The following GSDME variants were observed in gnomAD, a reference collection of about 807,000 sequenced individuals.
The protein encoded by GSDME is gasdermin-E.
Under a neutral mutation model 47.5 loss-of-function variants are expected in GSDME, and 44 were observed. That is an observed-to-expected ratio of 0.93 (90% CI 0.73 to 1.19). The LOEUF is 1.19. Among genes scored for constraint, GSDME ranks in the 50% most tolerant of loss-of-function variants. GSDME has a pLI of 0.00. For synonymous variants in GSDME, 258 were observed against 252.8 expected, an observed-to-expected ratio of 1.02 and a Z score of -0.20; for missense variants, 663 against 604.2, an observed-to-expected ratio of 1.10 and a Z score of -1.02.
At chr7:24,711,848 T>G (rs901702548) in intron 5 of GSDME, among the ~76,000 whole-genome samples, 1 of 151,680 alleles carries the variant, frequency 6.6e-6, no homozygotes, top group Non-Finnish European at 1.5e-5. Flanking sequence ...AAGAAATGTT[T>G]TCTCAAACAC....
At chr7:24,770,558 G>C in the GSDME span, among the ~76,000 whole-genome samples, 1 of 152,144 alleles carries the variant, frequency 6.6e-6, no homozygotes, top group African/African-American at 2.4e-5. This position sits in a 1 kb window ranked among gnomAD's most constrained non-coding sequence, Gnocchi z 4.6. Context: ...TGGGGTCTAT[G>C]CTAACTCTGG....
the GSDME span, among the ~76,000 whole-genome samples, chr7:24,784,622 CT>C: frequency 2.2e-4 from 30 of 138,520 alleles, no homozygotes; most frequent in African/African-American, 8.1e-4. Flanking sequence ...TTTTTTTCTT[CT>C]TCCTTTTTTT....
At chr7:24,704,913 C>G (rs1562686262) in intron 8 of GSDME, 1 of 152,316 alleles carries the variant, frequency 6.6e-6, no homozygotes. Flanking sequence ...GTCTTGAACT[C>G]CTGGGCTCAA....
chr7:24,751,005 T>C (rs1022206983), intron 1 of GSDME, among the ~76,000 whole-genome samples: 15 of 151,960 alleles, frequency 9.9e-5, no homozygotes, highest in Non-Finnish European at 1.9e-4. Flanking sequence ...TGAGGAAAAA[T>C]GAAACTGTGA....
At chr7:24,720,057 A>G (rs562247691) in intron 3 of GSDME, among the ~76,000 whole-genome samples, 2 of 152,334 alleles carry the variant, frequency 1.3e-5, no homozygotes, top group South Asian at 4.1e-4. Flanking sequence ...TCTAGGAAAG[A>G]TGTTTCATCT....
chr7:24,775,728 A>C, the GSDME span, among the ~76,000 whole-genome samples: 2 of 152,102 alleles, frequency 1.3e-5, no homozygotes, highest in East Asian at 3.9e-4. Context: ...TACAAAAATT[A>C]GCTGGGCGTG....
chr7:24,702,247 C>T (rs1788898829), intron 9 of GSDME, among the ~76,000 whole-genome samples: 1 of 152,198 alleles, frequency 6.6e-6, no homozygotes, highest in Non-Finnish European at 1.5e-5. Flanking sequence ...CTCATCATTA[C>T]CTAACTCATG....
At chr7:24,729,773 GCT>G (rs1790085321) in intron 3 of GSDME, among the ~76,000 whole-genome samples, 1 of 152,214 alleles carries the variant, frequency 6.6e-6, no homozygotes, top group African/African-American at 2.4e-5. Context: ...TGAAAGCATG[GCT>G]CTGTTGCACA....
At chr7:24,750,699 G>A (rs1790831352) in intron 1 of GSDME, among the ~76,000 whole-genome samples, 1 of 152,176 alleles carries the variant, frequency 6.6e-6, no homozygotes, top group Non-Finnish European at 1.5e-5. Context: ...CTTATTTGAA[G>A]GGTCAAAGGT....
At chr7:24,708,923 T>A (rs1017867395) in intron 6 of GSDME, among the ~76,000 whole-genome samples, 1 of 152,214 alleles carries the variant, frequency 6.6e-6, no homozygotes, top group Non-Finnish European at 1.5e-5. Flanking sequence ...TGTTTGTTTG[T>A]TTTTAAGATA....
the GSDME span, among the ~76,000 whole-genome samples, chr7:24,767,567 T>C: frequency 6.6e-6 from 1 of 152,178 alleles, no homozygotes; most frequent in Non-Finnish European, 1.5e-5. The surrounding 1 kb of genome is among the most constrained non-coding windows in gnomAD (Gnocchi z 5.3). Context: ...GTGAGAAAAG[T>C]TGGGTAGCAT....
At chr7:24,780,379 A>C in the GSDME span, among the ~76,000 whole-genome samples, 1 of 152,352 alleles carries the variant, frequency 6.6e-6, no homozygotes, top group Middle Eastern at 3.4e-3. This position sits in a 1 kb window ranked among gnomAD's most constrained non-coding sequence, Gnocchi z 4.1. Flanking sequence ...ACTCATGTTT[A>C]TCATCTGGTA....
intron 3 of GSDME, among the ~76,000 whole-genome samples, chr7:24,737,774 A>G (rs910775308): frequency 6.6e-6 from 1 of 152,176 alleles, no homozygotes; most frequent in African/African-American, 2.4e-5. Context: ...AATACATTAA[A>G]AAGATAATTT....
chr7:24,706,378 T>G lies in GSDME; in HGVS notation c.991-2A>C. ...GAGGCCGCTGACCAGGTCATCGCACTGTAGGGCAGGGAAGAAGAAGGGTCA... is the reference window on the plus strand; with the variant it reads ...GAGGCCGCTGACCAGGTCATCGCACGGTAGGGCAGGGAAGAAGAAGGGTCA... On this transcript the variant is annotated splice_acceptor_variant, in intron 7 of 9. Transcript: ENST00000645220. LOFTEE classifies it high-confidence loss of function. 6.2e-7 allele frequency: 1 copy of G among 1,612,146 alleles called. No individual in the cohort carries two copies. The highest frequency in any genetic ancestry group is 8.5e-7 in the Non-Finnish European group (1 of 1,179,790).
chr7:24,708,025 GA>G, intron 7 of GSDME, 101 bp downstream of exon 7: 1 of 1,458,936 alleles, frequency 6.9e-7, no homozygotes. Flanking sequence ...GCTGTAGGGA[GA>G]AAAGGAGGCG....
At chr7:24,699,975 T>G (rs1788797469) in intron 9 of GSDME, among the ~76,000 whole-genome samples, 1 of 152,210 alleles carries the variant, frequency 6.6e-6, no homozygotes, top group African/African-American at 2.4e-5. Context: ...TTTTCCCTTG[T>G]TATTCCTTCT....
chr7:24,795,146 C>T, the GSDME span, among the ~76,000 whole-genome samples: 3 of 152,188 alleles, frequency 2.0e-5, no homozygotes, highest in South Asian at 2.1e-4. Flanking sequence ...TCAGCCGCTG[C>T]GTTAATCCTC....
At chr7:24,768,317 C>T in the GSDME span, among the ~76,000 whole-genome samples, 2 of 152,006 alleles carry the variant, frequency 1.3e-5, no homozygotes, top group African/African-American at 4.8e-5. This position sits in a 1 kb window ranked among gnomAD's most constrained non-coding sequence, Gnocchi z 5.6. Context: ...TAAGATTTAG[C>T]ATAGGGGGAG....
At chr7:24,746,809 T>C (rs986201226) in intron 2 of GSDME, among the ~76,000 whole-genome samples, 19 of 152,206 alleles carry the variant, frequency 1.2e-4, no homozygotes, top group African/African-American at 4.3e-4. Flanking sequence ...CAACAGGCCA[T>C]CACTTGGACT....
Sources: gnomAD v4.1 joint callset for allele counts (sites outside exome capture counted in the v4.1 genomes callset) on GRCh38, gnomAD v4.1.1 for gene constraint, Gnocchi (gnomAD v3.1) non-coding constraint, MANE v1.5 for transcripts, NCBI Gene and HGNC (gene_info 2026-07-23, HGNC 2026-07-21) for gene names.